Variants in PCDH1 observed in about 807,000 individuals in gnomAD.
PCDH1 encodes the protein protocadherin 1, also known as protocadherin-1.
In PCDH1, 23 loss-of-function variants were observed where a neutral mutation model predicts 74.6. The ratio of observed to expected loss-of-function variants is 0.31; its 90% CI spans 0.22 to 0.44. The LOEUF (loss-of-function observed/expected upper bound fraction) is 0.44. Ranked by LOEUF, PCDH1 falls within the 20% of genes least tolerant of loss-of-function variation. PCDH1 has a pLI of 1.00. For synonymous variants in PCDH1, 647 were observed against 686.1 expected (o/e 0.94, Z 0.89); for missense variants, 1,214 against 1,641.4 (o/e 0.74, Z 4.50).
intron 1 of PCDH1, among the ~76,000 whole-genome samples, chr5:141,876,284 C>A (rs911885200): frequency 1.3e-5 from 2 of 152,162 alleles, no homozygotes; most frequent in Non-Finnish European, 2.9e-5. Context: ...GGAGCCCTTG[C>A]GCCCCCCGCA....
intron 3 of PCDH1, among the ~76,000 whole-genome samples, chr5:141,859,036 G>A (rs943047735): frequency 5.9e-5 from 9 of 152,206 alleles, no homozygotes; most frequent in South Asian, 2.1e-4. Flanking sequence ...ATAAGCGACC[G>A]TTCTTGGAAT....
At position 141,869,295 on chromosome 5, in the gene PCDH1, C is replaced by A. The variant is rs1236405391; in HGVS notation, c.177G>T (p.Arg59=). Residue 59 remains arginine (R), a synonymous_variant, in exon 2 of 5, where the codon CGG becomes CGT. Transcript: ENST00000287008. This position sits in a 1 kb window ranked among gnomAD's most constrained non-coding sequence, Gnocchi z 4.9. The stretch of plus-strand genomic sequence containing the variant: ...GTTCCTCCGGCACCTTGTACACTAC[C>A]CGAGTGGCGTGGCCTGGGGATGGAG... ...LLAPSPGHAT[R]VVYKVPEEQP... The A allele has an allele frequency of 6.2e-7, 1 of 1,605,444 alleles. No individual in the cohort carries two copies. The highest frequency in any genetic ancestry group is 8.5e-7 in the Non-Finnish European group (1 of 1,176,296).
intron 2 of PCDH1, chr5:141,866,020 A>C: frequency 3.0e-6 from 3 of 988,700 alleles, no homozygotes; most frequent in Non-Finnish European, 3.6e-6. Flanking sequence ...TTGTGTGAGA[A>C]GGTATATGTG....
rs1021627265 is a variant in PCDH1 at position 141,856,292 on chromosome 5, C to A, written c.3319+960G>T. The A allele has an allele frequency of 5.1e-6, 7 of 1,373,898 alleles. No homozygotes were observed. In the East Asian group the frequency reaches 1.3e-4, roughly 26 times the overall value. 85.1% of individuals were successfully genotyped at this position (1,373,898 alleles called of 1,614,324 possible). A position where few individuals can be genotyped will look rare whatever the true frequency, so the allele number is the denominator to read the frequency against. Reference sequence around the variant, plus strand: ...GCGGGCACAAAAAGGATGAGACGGGCATGAGATCGCGCATGGAGGGGCGGG... The same window carrying A: ...GCGGGCACAAAAAGGATGAGACGGGAATGAGATCGCGCATGGAGGGGCGGG... On this transcript the variant is annotated intron_variant, in intron 4 of 4. Coordinates refer to ENST00000287008, the MANE Select transcript of PCDH1 (RefSeq NM_032420.5).
chr5:141,854,644 A>T (rs1186476558), intron 4 of PCDH1, among the ~76,000 whole-genome samples: 1 of 152,042 alleles, frequency 6.6e-6, no homozygotes, highest in Non-Finnish European at 1.5e-5. Flanking sequence ...ACGCACACGC[A>T]CACACACATA....
chr5:141,859,060 T>C (rs1752471449), intron 3 of PCDH1, among the ~76,000 whole-genome samples: 1 of 152,108 alleles, frequency 6.6e-6, no homozygotes, highest in Non-Finnish European at 1.5e-5. Context: ...TGTATTGATC[T>C]AAAACACTGA....
intron 4 of PCDH1, chr5:141,856,159 G>T (rs1752327363): frequency 2.7e-5 from 39 of 1,444,066 alleles, no homozygotes; most frequent in Non-Finnish European, 3.4e-5. Flanking sequence ...TGGGCACTGG[G>T]TGGGTGAGGC....
At chr5:141,866,777 G>A (rs1390327463) in intron 2 of PCDH1, among the ~76,000 whole-genome samples, 3 of 152,120 alleles carry the variant, frequency 2.0e-5, no homozygotes, top group Admixed American at 6.5e-5. Context: ...GACATTGCCC[G>A]GCACAGGGAA....
intron 1 of PCDH1, among the ~76,000 whole-genome samples, chr5:141,873,502 A>AG (rs1753147010): frequency 6.7e-6 from 1 of 148,990 alleles, no homozygotes; most frequent in Admixed American, 6.8e-5. Flanking sequence ...GCTGGAGTGC[A>AG]GGGGCGCGAT....
In PCDH1 at chr5:141,865,528, T is replaced by C. The variant is rs1357384148; in HGVS notation, c.904-101A>G. ...CTGCCAATGTCCTTTCCAACAAGCA[T>C]GGCAGACACAGCCAATCCAACATCG... is the stretch of plus-strand genomic sequence containing the variant. On this transcript the variant is annotated intron_variant, in intron 2 of 4. Transcript: ENST00000287008. This position sits in a 1 kb window ranked among gnomAD's most constrained non-coding sequence, Gnocchi z 4.4. 4.5e-6 allele frequency: 6 copies of C among 1,325,060 alleles called. No homozygotes were observed. The highest frequency in any genetic ancestry group is 2.3e-5 in the East Asian group (1 of 43,216). 82.1% of individuals were successfully genotyped at this position (1,325,060 alleles called of 1,614,324 possible).
Position 141,878,171 on chromosome 5 carries a change from G to C in PCDH1, c.40+52C>G, listed in dbSNP as rs921610069. ...CCCTCCCTCAGCTCCCGCCGGCCAT[G>C]ACCGCTTCGGGCCCCAAGCCGCTGC... On this transcript the variant is annotated intron_variant, in intron 1 of 4. Transcript: ENST00000287008. This position sits in a 1 kb window ranked among gnomAD's most constrained non-coding sequence, Gnocchi z 5.5. The C allele has an allele frequency of 2.1e-6, 3 of 1,421,604 alleles. No homozygotes were observed. The highest frequency in any genetic ancestry group is 1.5e-5 in the African/African-American group (1 of 66,878). 88.1% of individuals were successfully genotyped at this position (1,421,604 alleles called of 1,614,324 possible).
At chr5:141,874,435 C>T (rs1753169337) in intron 1 of PCDH1, among the ~76,000 whole-genome samples, 2 of 152,336 alleles carry the variant, frequency 1.3e-5, no homozygotes, top group Middle Eastern at 3.4e-3. Context: ...CTACCTCCCC[C>T]CAGTGACATG....
At chr5:141,860,404 C>G (rs1752517879) in intron 3 of PCDH1, among the ~76,000 whole-genome samples, 2 of 150,570 alleles carry the variant, frequency 1.3e-5, no homozygotes, top group South Asian at 2.1e-4. Context: ...CCCAGCTACA[C>G]AGGAGGATCG....
chr5:141,864,006 G>T lies in PCDH1; in HGVS notation c.2325C>A (p.Thr775=). 1 of 1,614,090 alleles carries T rather than the reference G, an allele frequency of 6.2e-7. No individual in the cohort carries two copies. Residue 775 remains threonine (T), a synonymous_variant, in exon 3 of 5, where the codon ACC becomes ACA. Transcript: ENST00000287008. This position sits in a 1 kb window ranked among gnomAD's most constrained non-coding sequence, Gnocchi z 5.9. ...GGCGCCGCTCAATCTCCTTCTCCAG[G>T]GTGATGGCACCTGAATGTGACCCAA... ...FQIGSHSGAI[T]LEKEIERRHH...
chr5:141,859,647 C>T (rs1028506957), intron 3 of PCDH1, among the ~76,000 whole-genome samples: 6 of 152,198 alleles, frequency 3.9e-5, no homozygotes, highest in South Asian at 4.1e-4. Flanking sequence ...TCCCCTCATT[C>T]CCTATCCCTA....
intron 3 of PCDH1, among the ~76,000 whole-genome samples, chr5:141,860,917 A>C (rs1752539397): frequency 6.6e-6 from 1 of 152,096 alleles, no homozygotes; most frequent in African/African-American, 2.4e-5. Flanking sequence ...GGAGCTCAAG[A>C]CCAGCCTGAC....
chr5:141,855,767 C>G (rs1279237649), intron 4 of PCDH1, among the ~76,000 whole-genome samples: 1 of 152,176 alleles, frequency 6.6e-6, no homozygotes, highest in Non-Finnish European at 1.5e-5. Context: ...AACCAGCCAC[C>G]ACCCCTGGCC....
Position 141,864,599 on chromosome 5 carries a change from A to G in PCDH1, c.1732T>C (p.Tyr578His), listed in dbSNP as rs146216055. The G allele has an allele frequency of 6.2e-7, 1 of 1,613,478 alleles. No individual in the cohort carries two copies. The highest frequency in any genetic ancestry group is 1.3e-5 in the African/African-American group (1 of 74,892). ...TSLDREQRES[Y>H]ELKVVAADRG... is the part of the protein sequence containing the mutation. The stretch of plus-strand genomic sequence containing the variant: ...TCAGCTGCCACCACCTTCAACTCAT[A>G]GCTCTCCCGCTGTTCCCGATCCAGA... Residue 578 changes from tyrosine to histidine, a missense_variant, in exon 3 of 5, where the codon TAT (tyrosine) becomes CAT (histidine). This residue lies in a region of PCDH1 where 836 missense variants were observed against 1,182.2 expected (regional missense o/e 0.71). Coordinates refer to ENST00000287008, the MANE Select transcript of PCDH1 (RefSeq NM_032420.5). The surrounding 1 kb of genome is among the most constrained non-coding windows in gnomAD (Gnocchi z 5.9).
intron 3 of PCDH1, among the ~76,000 whole-genome samples, chr5:141,862,050 G>T (rs1752588867): frequency 6.6e-6 from 1 of 152,206 alleles, no homozygotes; most frequent in African/African-American, 2.4e-5. Context: ...CTCCCCCAGG[G>T]CCCCGCTCCC....
Sources: gnomAD v4.1 joint callset for allele counts (sites outside exome capture counted in the v4.1 genomes callset) on GRCh38, gnomAD v4.1.1 for gene constraint, gnomAD v4.1.1 regional missense constraint, Gnocchi (gnomAD v3.1) non-coding constraint, MANE v1.5 for transcripts, NCBI Gene and HGNC (gene_info 2026-07-23, HGNC 2026-07-21) for gene names.